The following KIF16B variants were observed in gnomAD, a reference collection of about 807,000 sequenced individuals.
KIF16B encodes the protein kinesin family member 16B.
In KIF16B, 98 loss-of-function variants were observed where a neutral mutation model predicts 156.3. The ratio of observed to expected loss-of-function variants is 0.63; its 90% CI spans 0.53 to 0.74. The LOEUF is 0.74. KIF16B is among the 30% of genes least tolerant of loss of function. The pLI, the probability that KIF16B is intolerant of heterozygous loss-of-function variation, is 0.00. For synonymous variants in KIF16B, 564 were observed against 583.7 expected (o/e 0.97, Z 0.49); for missense variants, 1,421 against 1,606.5 (o/e 0.88, Z 1.97).
At chr20:16,386,506 G>A (rs1422386229) in intron 17 of KIF16B, among the ~76,000 whole-genome samples, 5 of 151,976 alleles carry the variant, frequency 3.3e-5, no homozygotes, top group Non-Finnish European at 7.4e-5. Context: ...GATGGTGAAT[G>A]TAAATACAGT....
chr20:16,532,017 G>A (rs528867816), intron 1 of KIF16B, among the ~76,000 whole-genome samples: 167 of 147,466 alleles, frequency 1.1e-3, no homozygotes, highest in Non-Finnish European at 1.6e-3. Context: ...ACAGTAAGCC[G>A]AGATTGTGCC....
At chr20:16,414,858 T>G (rs776527042) in intron 15 of KIF16B, among the ~76,000 whole-genome samples, 10 of 152,168 alleles carry the variant, frequency 6.6e-5, no homozygotes, top group Non-Finnish European at 1.2e-4. Flanking sequence ...TTTATGATGG[T>G]GCAAGAGTGA....
chr20:16,455,673 A>G (rs1291267216), intron 12 of KIF16B, among the ~76,000 whole-genome samples: 1 of 152,212 alleles, frequency 6.6e-6, no homozygotes, highest in Non-Finnish European at 1.5e-5. Flanking sequence ...GACAAAAACC[A>G]GAAAAATTTA....
At chr20:16,571,650 G>A (rs1458211521) in intron 1 of KIF16B, among the ~76,000 whole-genome samples, 1 of 148,732 alleles carries the variant, frequency 6.7e-6, no homozygotes, top group Non-Finnish European at 1.5e-5. Flanking sequence ...TTTTTTTTGA[G>A]AGGGAGTCTC....
chr20:16,451,556 CACA>C (rs936336322), intron 12 of KIF16B, among the ~76,000 whole-genome samples: 8 of 151,156 alleles, frequency 5.3e-5, no homozygotes, highest in Non-Finnish European at 1.0e-4. Flanking sequence ...CCACCACCAC[CACA>C]ACAACAACAA....
chr20:16,421,850 A>G (rs1480789662), intron 15 of KIF16B, among the ~76,000 whole-genome samples: 1 of 152,158 alleles, frequency 6.6e-6, no homozygotes, highest in African/African-American at 2.4e-5. Flanking sequence ...ATGCCAGAGG[A>G]ACTCAAGCCC....
chr20:16,455,103 T>A (rs138055261), intron 12 of KIF16B, among the ~76,000 whole-genome samples: 20 of 152,170 alleles, frequency 1.3e-4, no homozygotes, highest in African/African-American at 4.8e-4. Flanking sequence ...TCCAGGAAAT[T>A]CATGATTCTA....
chr20:16,356,467 T>G lies in KIF16B; in HGVS notation c.3499-15A>C, dbSNP rs191778692. The G allele has an allele frequency of 2.5e-6, 4 of 1,613,724 alleles. No homozygotes were observed. The highest frequency in any genetic ancestry group is 2.2e-5 in the South Asian group (2 of 91,056). On this transcript the variant is annotated splice_polypyrimidine_tract_variant and intron_variant, in intron 22 of 25. Coordinates refer to ENST00000354981, the MANE Select transcript of KIF16B (RefSeq NM_024704.5). ...GAAACCATCCGCTATCAAAGGCATGTCAGACAGGGAGAACAAAGAGAAACC... is the reference window on the plus strand; with the variant it reads ...GAAACCATCCGCTATCAAAGGCATGGCAGACAGGGAGAACAAAGAGAAACC...
intron 25 of KIF16B, among the ~76,000 whole-genome samples, chr20:16,294,039 C>T (rs2063349202): frequency 6.6e-6 from 1 of 151,728 alleles, no homozygotes; most frequent in Non-Finnish European, 1.5e-5. Context: ...GAAGCAAATA[C>T]AAAAATGGAA....
chr20:16,537,712 T>TG (rs1245997916), intron 1 of KIF16B, among the ~76,000 whole-genome samples: 1 of 146,686 alleles, frequency 6.8e-6, no homozygotes, highest in Non-Finnish European at 1.5e-5. Flanking sequence ...TCGTTTTTTT[T>TG]TTTTTTTTTT....
rs1314671896 is a variant in KIF16B at position 16,286,354 on chromosome 20, T to C, written c.3796-12943A>G. Among the ~76,000 whole-genome samples the C allele has an allele frequency of 2.0e-5, 3 of 152,200 alleles. No homozygotes were observed. In the East Asian group the frequency reaches 5.8e-4, roughly 29 times the overall value. The stretch of plus-strand genomic sequence containing the variant: ...TGTTTTCCGTGGGCACTGTACAATT[T>C]ATACTCTCTCCAGCAGTGTTGGAGA... On this transcript the variant is annotated intron_variant, in intron 25 of 25. Coordinates refer to ENST00000354981, the MANE Select transcript of KIF16B (RefSeq NM_024704.5).
chr20:16,278,154 A>T (rs2063092500), intron 25 of KIF16B, among the ~76,000 whole-genome samples: 1 of 152,182 alleles, frequency 6.6e-6, no homozygotes, highest in African/African-American at 2.4e-5. Context: ...ACAGTGAGTG[A>T]TCATGGGAAA....
intron 6 of KIF16B, among the ~76,000 whole-genome samples, chr20:16,509,563 G>A (rs542824348): frequency 1.3e-5 from 2 of 152,146 alleles, no homozygotes; most frequent in Non-Finnish European, 2.9e-5. Flanking sequence ...TTTACTATGA[G>A]TGAAATGCTA....
intron 25 of KIF16B, among the ~76,000 whole-genome samples, chr20:16,302,514 C>T (rs2063487451): frequency 6.6e-6 from 1 of 152,110 alleles, no homozygotes; most frequent in South Asian, 2.1e-4. Context: ...ATTACTGCAG[C>T]TTTGTATTAA....
chr20:16,314,568 G>A (rs918254355), intron 24 of KIF16B, among the ~76,000 whole-genome samples: 7 of 152,222 alleles, frequency 4.6e-5, no homozygotes, highest in African/African-American at 1.4e-4. Context: ...GACCCAGTCT[G>A]AATCCTGGCT....
At chr20:16,409,982 T>TATATATATGTACGTAC (rs71192332) in intron 15 of KIF16B, among the ~76,000 whole-genome samples, 2 of 55,532 alleles carry the variant, frequency 3.6e-5, no homozygotes, top group Non-Finnish European at 6.8e-5. Flanking sequence ...TATATATATA[T>TATATATATGTACGTAC]ATATATATAT....
intron 7 of KIF16B, among the ~76,000 whole-genome samples, chr20:16,506,791 C>A (rs1446759311): frequency 1.3e-5 from 2 of 151,948 alleles, no homozygotes; most frequent in African/African-American, 4.8e-5. Context: ...GAAATTTAAA[C>A]CTCTTAGAAA....
intron 21 of KIF16B, 141 bp from the exon 22 acceptor site, chr20:16,370,777 A>G (rs1041997061): frequency 6.4e-6 from 4 of 627,898 alleles, no homozygotes; most frequent in Non-Finnish European, 7.9e-6. Flanking sequence ...CTTCTATATA[A>G]TTTACATCCC....
intron 24 of KIF16B, among the ~76,000 whole-genome samples, chr20:16,319,708 G>T (rs2328015): frequency 1.3e-5 from 2 of 152,020 alleles, no homozygotes; most frequent in Non-Finnish European, 2.9e-5. Context: ...CCAGTCTTGA[G>T]GAAGGTCTCC....
Sources: gnomAD v4.1 joint callset for allele counts (sites outside exome capture counted in the v4.1 genomes callset) on GRCh38, gnomAD v4.1.1 for gene constraint, MANE v1.5 for transcripts, NCBI Gene and HGNC (gene_info 2026-07-23, HGNC 2026-07-21) for gene names.